Variants in PDE1A observed in about 807,000 individuals in gnomAD.
The protein encoded by PDE1A is dual specificity calcium/calmodulin-dependent 3',5'-cyclic nucleotide phosphodiesterase 1A.
Under a neutral mutation model 61.7 loss-of-function variants are expected in PDE1A, and 35 were observed. That is an observed-to-expected ratio of 0.57 (90% CI 0.43 to 0.75). PDE1A has a LOEUF of 0.75. Among genes scored for constraint, PDE1A ranks in the 30% least tolerant of loss-of-function variants. The pLI, the probability that PDE1A is intolerant of heterozygous loss-of-function variation, is 0.00. For synonymous variants in PDE1A, 232 were observed against 213.2 expected (o/e 1.09, Z -0.77); for missense variants, 597 against 630.6 (o/e 0.95, Z 0.57).
At chr2:182,204,057 AAATAT>A (rs1184920275) in intron 8 of PDE1A, among the ~76,000 whole-genome samples, 16 of 152,306 alleles carry the variant, frequency 1.1e-4, no homozygotes, top group African/African-American at 3.4e-4. Flanking sequence ...GTAAATAACA[AAATAT>A]AATAGGAAAT....
chr2:182,360,627 AT>A (rs1174291419), intron 1 of PDE1A, among the ~76,000 whole-genome samples: 1 of 151,880 alleles, frequency 6.6e-6, no homozygotes, highest in African/African-American at 2.4e-5. Flanking sequence ...ACCTGCAAAA[AT>A]ATTCTTATTT....
chr2:182,364,466 T>TTA (rs1699699627), intron 1 of PDE1A, among the ~76,000 whole-genome samples: 1 of 35,840 alleles, frequency 2.8e-5, no homozygotes, highest in Non-Finnish European at 5.1e-5. Context: ...AACACTTTGG[T>TTA]AAAAAAAAAA....
chr2:182,264,749 G>T (rs113069883), intron 1 of PDE1A, among the ~76,000 whole-genome samples: 1,506 of 150,182 alleles, frequency 0.01, 24 homozygotes, highest in African/African-American at 0.034. Flanking sequence ...TGGTTTTTCT[G>T]TTTTTTTAAT....
chr2:182,529,182 G>A, the PDE1A span, among the ~76,000 whole-genome samples: 5 of 152,224 alleles, frequency 3.3e-5, no homozygotes, highest in Admixed American at 2.6e-4. Context: ...AAGCAGCTGG[G>A]AGGGAGGCTA....
At chr2:182,275,982 C>T (rs561290188) in intron 1 of PDE1A, among the ~76,000 whole-genome samples, 40 of 152,158 alleles carry the variant, frequency 2.6e-4, no homozygotes, top group South Asian at 2.3e-3. Flanking sequence ...TTAATTTCAA[C>T]ACCTTCAACA....
At chr2:182,258,517 C>T (rs1186939002) in intron 2 of PDE1A, among the ~76,000 whole-genome samples, 1 of 152,180 alleles carries the variant, frequency 6.6e-6, no homozygotes, top group African/African-American at 2.4e-5. Context: ...TGAACGTTAG[C>T]ATCAAAGTAA....
At chr2:182,611,294 G>GA in the PDE1A span, among the ~76,000 whole-genome samples, 2 of 152,060 alleles carry the variant, frequency 1.3e-5, no homozygotes, top group African/African-American at 4.8e-5. Context: ...AGGAGCGCAG[G>GA]AAAAACAAGG....
chr2:182,264,154 A>C, intron 2 of PDE1A, 147 bp downstream of exon 2: 1 of 550,750 alleles, frequency 1.8e-6, no homozygotes, highest in Non-Finnish European at 3.3e-6. Context: ...CTACATGAAG[A>C]AGAACATTTC....
the PDE1A span, among the ~76,000 whole-genome samples, chr2:182,627,976 G>T: frequency 6.6e-6 from 1 of 150,704 alleles, no homozygotes; most frequent in African/African-American, 2.4e-5. Flanking sequence ...AAAAAGAAAA[G>T]AAAGAAAAAA....
chr2:182,639,746 A>G, the PDE1A span, among the ~76,000 whole-genome samples: 3 of 151,840 alleles, frequency 2.0e-5, no homozygotes, highest in African/African-American at 7.2e-5. Flanking sequence ...GAAGATAAGC[A>G]AAAGAGATCC....
At chr2:182,655,871 C>A in the PDE1A span, among the ~76,000 whole-genome samples, 1 of 152,340 alleles carries the variant, frequency 6.6e-6, no homozygotes, top group African/African-American at 2.4e-5. Flanking sequence ...CACTCCATCT[C>A]CTTTGCAACT....
At chr2:182,504,329 C>G (rs1023799987) in intron 2 of PDE1A, among the ~76,000 whole-genome samples, 1 of 152,112 alleles carries the variant, frequency 6.6e-6, no homozygotes, top group African/African-American at 2.4e-5. Flanking sequence ...CCAGGTAATA[C>G]TGGTAGATAC....
the PDE1A span, among the ~76,000 whole-genome samples, chr2:182,690,574 T>C: frequency 6.6e-6 from 1 of 152,150 alleles, no homozygotes; most frequent in African/African-American, 2.4e-5. Context: ...GCCAATATCA[T>C]ACTGAATGGG....
intron 1 of PDE1A, among the ~76,000 whole-genome samples, chr2:182,292,987 T>C (rs1193778448): frequency 6.6e-6 from 1 of 152,144 alleles, no homozygotes; most frequent in African/African-American, 2.4e-5. Flanking sequence ...ATTTTTAAAA[T>C]TGAGGTATAA....
At chr2:182,490,588 T>A (rs921404243) in intron 2 of PDE1A, among the ~76,000 whole-genome samples, 3 of 151,886 alleles carry the variant, frequency 2.0e-5, no homozygotes, top group African/African-American at 7.3e-5. Flanking sequence ...TTAGCCAGGA[T>A]GGTCTCGATC....
At chr2:182,437,218 GA>G (rs199749366) in intron 2 of PDE1A, among the ~76,000 whole-genome samples, 1 of 151,892 alleles carries the variant, frequency 6.6e-6, no homozygotes. Context: ...AACTCTTGGG[GA>G]AAAAATCAGA....
chr2:182,380,033 C>T (rs1431920391), intron 1 of PDE1A, among the ~76,000 whole-genome samples: 1 of 151,888 alleles, frequency 6.6e-6, no homozygotes, highest in Admixed American at 6.6e-5. Flanking sequence ...CTCTATCATG[C>T]CTCTCTACAT....
the PDE1A span, among the ~76,000 whole-genome samples, chr2:182,635,176 A>AT: frequency 6.6e-6 from 1 of 151,700 alleles, no homozygotes; most frequent in Non-Finnish European, 1.5e-5. Context: ...AAGTTTCGGT[A>AT]TTTTTTCTTT....
rs1292371235 is a variant in PDE1A at position 182,288,295 on chromosome 2, T to C, written c.54-23881A>G. On this transcript the variant is annotated intron_variant, in intron 1 of 13. Coordinates refer to ENST00000351439, the Ensembl canonical transcript of PDE1A. The stretch of plus-strand genomic sequence containing the variant: ...GAGGCCTAAAGAGGTCAAATTACTT[T>C]CCCCAAATCAGAAAGCTATCAAAGG... Among the ~76,000 whole-genome samples, 4 of 152,054 alleles carry C rather than the reference T, an allele frequency of 2.6e-5. No individual in the cohort carries two copies. The East Asian group carries it at 7.7e-4, about 29-fold the overall frequency.
Sources: allele counts gnomAD v4.1 joint callset (sites outside exome capture counted in the v4.1 genomes callset), GRCh38; gene constraint gnomAD v4.1.1; transcripts MANE v1.5; gene names NCBI Gene and HGNC (gene_info 2026-07-23, HGNC 2026-07-21).